NPAS1: variants seen among roughly 807,000 people sequenced by gnomAD.
NPAS1 encodes neuronal PAS domain protein 1.
Under a neutral mutation model 49.2 loss-of-function variants are expected in NPAS1, and 29 were observed. That is an observed-to-expected ratio of 0.59 (90% CI 0.44 to 0.80). The LOEUF (loss-of-function observed/expected upper bound fraction) is 0.80. NPAS1 is among the 30% of genes least tolerant of loss of function. The pLI, the probability that NPAS1 is intolerant of heterozygous loss-of-function variation, is 0.00. For missense variants in NPAS1, 825 were observed against 835.5 expected (o/e 0.99, Z 0.15); for synonymous variants, 408 against 380.4 (o/e 1.07, Z -0.84).
rs369088517 is a variant in NPAS1 at position 47,021,274 on chromosome 19, C to T, written c.122+105C>T. The stretch of plus-strand genomic sequence containing the variant: ...GGGCAGTTCACACCCAGCTCCCTGA[C>T]CCGCCCCTTAGGGCTAGAAGGTCTT... On this transcript the variant is annotated intron_variant, in intron 2 of 11. Coordinates refer to ENST00000602212, the MANE Select transcript of NPAS1 (RefSeq NM_002517.4). This position sits in a 1 kb window ranked among gnomAD's most constrained non-coding sequence, Gnocchi z 5.7. 4 of 1,059,556 alleles carry T rather than the reference C, an allele frequency of 3.8e-6. No homozygotes were observed. The highest frequency in any genetic ancestry group is 5.3e-6 in the Non-Finnish European group (4 of 756,930). 65.6% of individuals were successfully genotyped at this position (1,059,556 alleles called of 1,614,324 possible).
chr19:47,026,473 G>T (rs2056871354), intron 3 of NPAS1, among the ~76,000 whole-genome samples: 1 of 152,230 alleles, frequency 6.6e-6, no homozygotes, highest in African/African-American at 2.4e-5. Context: ...TGAGGATGAG[G>T]ACGTGGTGGT....
rs146030881 is a variant in NPAS1, at chr19:47,024,945, G to A, written c.358+3098G>A. On this transcript the variant is annotated intron_variant, in intron 3 of 11. Transcript: ENST00000602212. The stretch of plus-strand genomic sequence containing the variant: ...CTGACTCAGCCTCCCGAGTAGCTGG[G>A]ATTACAGGCGCCTGCCACCGCGCCT... Among the ~76,000 whole-genome samples the A allele has an allele frequency of 9.5e-3, 1,428 of 150,946 alleles. 20 individuals are homozygous for A. Among genetic ancestry groups the A allele is most frequent in the African/African-American group, 0.033 (1,369 of 41,160 alleles).
At position 47,032,693 on chromosome 19, in the gene NPAS1, C is replaced by T; in HGVS notation, c.483C>T (p.Tyr161=). Residue 161 remains tyrosine (Y), a synonymous_variant, in exon 5 of 12, where the codon TAC becomes TAT. Transcript: ENST00000602212. ...FALNQEGKFL[Y]ISETVSIYLG... ...TGAACCAGGAAGGAAAATTCCTCTACATCTCAGAGACAGTCTCCATCTATC... is the reference window on the plus strand; with the variant it reads ...TGAACCAGGAAGGAAAATTCCTCTATATCTCAGAGACAGTCTCCATCTATC... The T allele has an allele frequency of 6.2e-7, 1 of 1,614,178 alleles. No homozygotes were observed. Among genetic ancestry groups the T allele is most frequent in the Non-Finnish European group, 8.5e-7 (1 of 1,180,008 alleles).
chr19:47,031,120 C>T (rs547638759), intron 3 of NPAS1, among the ~76,000 whole-genome samples: 1 of 151,982 alleles, frequency 6.6e-6, no homozygotes, highest in Non-Finnish European at 1.5e-5. Context: ...CCATTTTGCA[C>T]CACCTATTTC....
Position 47,042,861 on chromosome 19 carries a change from C to T in NPAS1, c.1269C>T (p.Ser423=), listed in dbSNP as rs1039033766. Residue 423 remains serine, a synonymous_variant, in exon 11 of 12, where the codon AGC becomes AGT. Coordinates refer to ENST00000602212, the MANE Select transcript of NPAS1 (RefSeq NM_002517.4). Reference sequence around the variant, plus strand: ...TGGATGCCTTCCAGCTTCCAGCCAGCGTGGCCTGTGAGGAGGCATCCAGCC... The same window carrying T: ...TGGATGCCTTCCAGCTTCCAGCCAGTGTGGCCTGTGAGGAGGCATCCAGCC... ...TPLDAFQLPA[S]VACEEASSPG... 2.5e-6 allele frequency: 4 copies of T among 1,605,814 alleles called. No homozygotes were observed. The highest frequency in any genetic ancestry group is 2.7e-5 in the African/African-American group (2 of 74,398).
chr19:47,036,209 G>A (rs2056954116), intron 6 of NPAS1, 80 bp downstream of exon 6: 4 of 1,403,962 alleles, frequency 2.8e-6, no homozygotes, highest in African/African-American at 2.9e-5. Context: ...GCCATGCCGC[G>A]TTTATACAAA....
At position 47,021,975 on chromosome 19, in the gene NPAS1, T is replaced by G. The variant is rs568311503; in HGVS notation, c.358+128T>G. The G allele has an allele frequency of 3.5e-6, 2 of 567,494 alleles. No homozygotes were observed. Among genetic ancestry groups the G allele is most frequent in the South Asian group, 6.1e-5 (2 of 32,794 alleles). 35.2% of individuals were successfully genotyped at this position (567,494 alleles called of 1,614,324 possible). ...TGGAGTCAGCCAGGACCTTTGCGTG[T>G]CCCTATCAGGTGGCTTCTGCTCTCC... On this transcript the variant is annotated intron_variant, in intron 3 of 11. Transcript: ENST00000602212. This position sits in a 1 kb window ranked among gnomAD's most constrained non-coding sequence, Gnocchi z 5.7.
In NPAS1 at chr19:47,045,284, C is replaced by G. The variant is rs563998899; in HGVS notation, c.1406C>G (p.Pro469Arg). The part of the protein sequence containing the change: ...QGKRIKVEPG[P>R]RETKGSEDSG... ...AAACGCATCAAAGTGGAGCCCGGCCCGAGGGAAACCAAAGGCTCCGAGGAC... is the reference window on the plus strand; with the variant it reads ...AAACGCATCAAAGTGGAGCCCGGCCGGAGGGAAACCAAAGGCTCCGAGGAC... The change falls in exon 12 of 12, where the codon CCG becomes CGG. Residue 469 changes from proline (P) to arginine (R), a missense_variant. Physicochemically the swap from Pro to Arg is moderately radical, Grantham distance 103. Coordinates refer to ENST00000602212, the MANE Select transcript of NPAS1 (RefSeq NM_002517.4). 1 of 1,614,046 alleles carries G rather than the reference C, an allele frequency of 6.2e-7. No homozygotes were observed. Among genetic ancestry groups the G allele is most frequent in the African/African-American group, 1.3e-5 (1 of 75,042 alleles).
At chr19:47,022,764 G>A (rs1295845826) in intron 3 of NPAS1, among the ~76,000 whole-genome samples, 1 of 152,186 alleles carries the variant, frequency 6.6e-6, no homozygotes, top group Non-Finnish European at 1.5e-5. Context: ...AATAGGCAAA[G>A]CAATATAATC....
rs769829242 is a variant in NPAS1 at position 47,039,436 on chromosome 19, C to A, written c.834C>A (p.Ala278=). ...KVIHVTGRLR[A]HALGLVALGH... ...TCCACGTGACTGGGCGCCTTCGGGC[C>A]CACGCCCTGGGCCTTGTGGCCCTCG... The change falls in exon 8 of 12, where the codon GCC becomes GCA. Residue 278 remains alanine, a synonymous_variant. Coordinates refer to ENST00000602212, the MANE Select transcript of NPAS1 (RefSeq NM_002517.4). 6.2e-7 allele frequency: 1 copy of A among 1,611,946 alleles called. No homozygotes were observed. The highest frequency in any genetic ancestry group is 2.2e-5 in the East Asian group (1 of 44,878).
chr19:47,038,610 T>G (rs2056985697), intron 6 of NPAS1, among the ~76,000 whole-genome samples: 1 of 149,844 alleles, frequency 6.7e-6, no homozygotes, highest in South Asian at 2.1e-4. Context: ...GCAGATCCCT[T>G]GAAGTCAGGA....
intron 6 of NPAS1, among the ~76,000 whole-genome samples, chr19:47,038,480 G>A (rs146397439): frequency 1.3e-3 from 187 of 148,144 alleles, no homozygotes; most frequent in Non-Finnish European, 2.1e-3. Flanking sequence ...TCGTGCCACT[G>A]CACTCTAGCC....
At position 47,039,464 on chromosome 19, in the gene NPAS1, C is replaced by A. The variant is rs1402666660; in HGVS notation, c.862C>A (p.His288Asn). 2 of 1,611,168 alleles carry A rather than the reference C, an allele frequency of 1.2e-6. No homozygotes were observed. The highest frequency in any genetic ancestry group is 1.7e-6 in the Non-Finnish European group (2 of 1,179,382). ...CGCCCTGGGCCTTGTGGCCCTCGGG[C>A]ACACGTTGCCCCCGGCCCCCCTGGC... Reference protein sequence around the residue: ...AHALGLVALGHTLPPAPLAEL... With the variant: ...AHALGLVALGNTLPPAPLAEL... Residue 288 changes from histidine (H) to asparagine (N), a missense_variant, in exon 8 of 12, where the codon CAC (histidine) becomes AAC (asparagine). His to Asn is a moderately conservative substitution (Grantham distance 68). Coordinates refer to ENST00000602212, the MANE Select transcript of NPAS1 (RefSeq NM_002517.4).
chr19:47,039,236 C>T lies in NPAS1; in HGVS notation c.804+85C>T, dbSNP rs2056992532. On this transcript the variant is annotated intron_variant, in intron 7 of 11. Transcript: ENST00000602212. ...ACCGAGGGAACCAGGCTGGTGGCTT[C>T]ACTGGCTGCAGGTGGCTTAGGGAAC... 6 of 1,468,780 alleles carry T rather than the reference C, an allele frequency of 4.1e-6. No individual in the cohort carries two copies. In the South Asian group the frequency reaches 6.5e-5, roughly 16 times the overall value. The allele number at this position is 1,468,780 out of a possible 1,614,324, so 91.0% of individuals were successfully genotyped here. A position where few individuals can be genotyped will look rare whatever the true frequency, so the allele number is the denominator to read the frequency against.
At chr19:47,041,517 GC>G (rs1424212626) in intron 10 of NPAS1, among the ~76,000 whole-genome samples, 1 of 152,096 alleles carries the variant, frequency 6.6e-6, no homozygotes, top group East Asian at 1.9e-4. Flanking sequence ...CAGAGGAAGG[GC>G]TCCAAGCAAC....
chr19:47,042,948 A>G, intron 11 of NPAS1, 44 bp downstream of exon 11: 1 of 1,429,860 alleles, frequency 7.0e-7, no homozygotes, highest in Non-Finnish European at 9.4e-7. Flanking sequence ...GCTCCAAGGA[A>G]CCTTTGGGTC....
intron 10 of NPAS1, among the ~76,000 whole-genome samples, chr19:47,041,406 C>T (rs1213243356): frequency 3.3e-5 from 5 of 152,056 alleles, no homozygotes; most frequent in Admixed American, 6.6e-5. Context: ...AGGGTCTGGA[C>T]TCTTGACTCT....
intron 9 of NPAS1, 106 bp downstream of exon 9, chr19:47,040,656 C>A: frequency 1.4e-6 from 1 of 726,700 alleles, no homozygotes. Context: ...ACAGTCCCTC[C>A]TGCTGCACCT....
chr19:47,032,688 C>T lies in NPAS1; in HGVS notation c.478C>T (p.Leu160Phe). The stretch of plus-strand genomic sequence containing the variant: ...CGCCTTGAACCAGGAAGGAAAATTC[C>T]TCTACATCTCAGAGACAGTCTCCAT... ...VFALNQEGKF[L>F]YISETVSIYL... The change falls in exon 5 of 12, where the codon CTC becomes TTC. Residue 160 changes from leucine (L) to phenylalanine (F), a missense_variant. Leu to Phe is a conservative substitution (Grantham distance 22). Transcript: ENST00000602212. 1 of 1,614,168 alleles carries T rather than the reference C, an allele frequency of 6.2e-7. No homozygotes were observed. The highest frequency in any genetic ancestry group is 8.5e-7 in the Non-Finnish European group (1 of 1,180,004).
Sources: gnomAD v4.1 joint callset for allele counts (sites outside exome capture counted in the v4.1 genomes callset) on GRCh38, gnomAD v4.1.1 for gene constraint, Gnocchi (gnomAD v3.1) non-coding constraint, MANE v1.5 for transcripts, NCBI Gene and HGNC (gene_info 2026-07-23, HGNC 2026-07-21) for gene names.